FAM193A: variants seen among roughly 807,000 people sequenced by gnomAD.
The protein encoded by FAM193A is family with sequence similarity 193 member A.
Under a neutral mutation model 126.5 loss-of-function variants are expected in FAM193A, and 22 were observed. The observed-to-expected ratio is 0.17, with a 90% confidence interval of 0.12 to 0.25. FAM193A has a LOEUF of 0.25. FAM193A is among the 10% of genes least tolerant of loss of function. The pLI is 1.00. For missense variants in FAM193A, 1,675 were observed against 1,672.8 expected (o/e 1.00, Z -0.02); for synonymous variants, 761 against 646.8 (o/e 1.18, Z -2.68).
chr4:2,642,747 T>G (rs892753361), intron 6 of FAM193A, among the ~76,000 whole-genome samples: 4 of 151,290 alleles, frequency 2.6e-5, no homozygotes, highest in African/African-American at 9.7e-5. Context: ...TTTTTTTTTT[T>G]TTGGAGACAG....
intron 7 of FAM193A, chr4:2,655,140 C>T (rs1292759760): frequency 1.4e-6 from 1 of 694,458 alleles, no homozygotes; most frequent in South Asian, 1.5e-5. Context: ...GTGAGTGTTT[C>T]ACCATGAAGT....
chr4:2,704,614 T>G (rs1389126966), intron 19 of FAM193A, among the ~76,000 whole-genome samples: 5 of 152,142 alleles, frequency 3.3e-5, no homozygotes, highest in Non-Finnish European at 7.3e-5. Context: ...TTTCATAGTT[T>G]TTTTGCTAGC....
rs189586965 is a variant in FAM193A at position 2,566,506 on chromosome 4, A to G, written c.255+29336A>G. Among the ~76,000 whole-genome samples the G allele has an allele frequency of 3.6e-3, 554 of 151,910 alleles. 3 individuals are homozygous for G. The highest frequency in any genetic ancestry group is 0.013 in the African/African-American group (536 of 41,458). On this transcript the variant is annotated intron_variant, in intron 1 of 20. Transcript: ENST00000637812. ...GAAGTTTGAGACCAGCCTGGCCAAC[A>G]TGGTGAAACCCTGTCTCTACTAAAA...
intron 20 of FAM193A, among the ~76,000 whole-genome samples, chr4:2,720,418 G>A (rs1720000011): frequency 6.6e-6 from 1 of 152,142 alleles, no homozygotes; most frequent in Admixed American, 6.5e-5. Context: ...TTGTGAGGCT[G>A]AGGTGGAAGG....
At chr4:2,549,455 G>A (rs1435162230) in intron 1 of FAM193A, among the ~76,000 whole-genome samples, 1 of 130,534 alleles carries the variant, frequency 7.7e-6, no homozygotes, top group Non-Finnish European at 1.6e-5. Flanking sequence ...GGAGTGCAGT[G>A]GCGGGATCTC....
chr4:2,680,682 C>A (rs1027153304), intron 13 of FAM193A, among the ~76,000 whole-genome samples: 1 of 151,562 alleles, frequency 6.6e-6, no homozygotes, highest in Non-Finnish European at 1.5e-5. Context: ...TGCTTTGTCA[C>A]CTAGGCTGAA....
chr4:2,546,825 C>T (rs760158668), intron 1 of FAM193A, among the ~76,000 whole-genome samples: 5 of 152,126 alleles, frequency 3.3e-5, no homozygotes, highest in East Asian at 1.9e-4. Context: ...TATGTGAAAC[C>T]GCTGAACTGT....
intron 20 of FAM193A, among the ~76,000 whole-genome samples, chr4:2,730,756 T>C (rs948545969): frequency 1.4e-5 from 2 of 144,678 alleles, no homozygotes; most frequent in African/African-American, 5.2e-5. Flanking sequence ...AGCTGGGTGT[T>C]GTGGTATGCA....
chr4:2,704,130 G>T (rs912271783), intron 19 of FAM193A, among the ~76,000 whole-genome samples: 3 of 152,074 alleles, frequency 2.0e-5, no homozygotes, highest in African/African-American at 7.2e-5. Context: ...GGGCGTGGTG[G>T]CACACGCCTA....
intron 7 of FAM193A, among the ~76,000 whole-genome samples, chr4:2,647,240 G>A (rs1391676899): frequency 1.3e-5 from 2 of 152,054 alleles, no homozygotes; most frequent in Non-Finnish European, 1.5e-5. Flanking sequence ...CCGCCTCCCG[G>A]GTTCAAGTGA....
chr4:2,542,418 A>G (rs1357355567), intron 1 of FAM193A, among the ~76,000 whole-genome samples: 4 of 152,244 alleles, frequency 2.6e-5, no homozygotes, highest in Admixed American at 6.5e-5. Context: ...TGCTGGAATT[A>G]CAGGCGTGAG....
At chr4:2,701,311 G>A (rs550361165) in intron 19 of FAM193A, among the ~76,000 whole-genome samples, 1 of 140,248 alleles carries the variant, frequency 7.1e-6, no homozygotes, top group Non-Finnish European at 1.5e-5. Flanking sequence ...AGCTCTTGTT[G>A]TTTCTCCTGA....
At chr4:2,565,570 G>A (rs1370662047) in intron 1 of FAM193A, among the ~76,000 whole-genome samples, 3 of 151,362 alleles carry the variant, frequency 2.0e-5, no homozygotes, top group Non-Finnish European at 2.9e-5. Flanking sequence ...TAGCCACTTT[G>A]TAATAAAAAA....
chr4:2,558,293 GA>G (rs1443473956), intron 1 of FAM193A, among the ~76,000 whole-genome samples: 3 of 149,604 alleles, frequency 2.0e-5, no homozygotes, highest in Non-Finnish European at 4.5e-5. Context: ...AAAAAGGAAA[GA>G]AAAAAATAGT....
chr4:2,712,113 T>A (rs796989870), intron 19 of FAM193A, among the ~76,000 whole-genome samples: 32 of 152,302 alleles, frequency 2.1e-4, no homozygotes, highest in African/African-American at 7.7e-4. Flanking sequence ...AGGCCCAGTG[T>A]ATGTCAGCTT....
At chr4:2,572,899 G>T (rs1739376363) in intron 1 of FAM193A, among the ~76,000 whole-genome samples, 1 of 151,772 alleles carries the variant, frequency 6.6e-6, no homozygotes, top group African/African-American at 2.4e-5. Flanking sequence ...TGGCGATGGG[G>T]GTGAGAGAGA....
chr4:2,649,494 T>C (rs965445610), intron 7 of FAM193A, among the ~76,000 whole-genome samples: 2 of 151,522 alleles, frequency 1.3e-5, no homozygotes, highest in African/African-American at 2.4e-5. Context: ...GTGACATAGA[T>C]AGACCTTGTC....
At chr4:2,717,637 C>A (rs1355882731) in intron 20 of FAM193A, among the ~76,000 whole-genome samples, 1 of 151,054 alleles carries the variant, frequency 6.6e-6, no homozygotes, top group South Asian at 2.1e-4. Flanking sequence ...ACTTGTAGTC[C>A]AAGCTACTCA....
intron 4 of FAM193A, among the ~76,000 whole-genome samples, chr4:2,630,325 A>G (rs1238789762): frequency 8.7e-6 from 1 of 114,458 alleles, no homozygotes; most frequent in Non-Finnish European, 1.8e-5. Flanking sequence ...TGGTGGGATA[A>G]TTGTTAAAAA....
Sources: gnomAD v4.1 joint callset for allele counts (sites outside exome capture counted in the v4.1 genomes callset) on GRCh38, gnomAD v4.1.1 for gene constraint, MANE v1.5 for transcripts, NCBI Gene and HGNC (gene_info 2026-07-23, HGNC 2026-07-21) for gene names.